Variants in KCND2 observed in about 807,000 individuals in gnomAD.
KCND2 encodes the protein A-type voltage-gated potassium channel KCND2.
In KCND2, 16 loss-of-function variants were observed where a neutral mutation model predicts 54.4. That is an observed-to-expected ratio of 0.29 (90% CI 0.20 to 0.45). The LOEUF is 0.45. Ranked by LOEUF, KCND2 falls within the 20% of genes least tolerant of loss-of-function variation. KCND2 has a pLI of 1.00. For synonymous variants in KCND2, 317 were observed against 310.7 expected (o/e 1.02, Z -0.21); for missense variants, 486 against 824.2 (o/e 0.59, Z 5.02).
chr7:120,478,417 T>A (rs1802559984), intron 1 of KCND2, among the ~76,000 whole-genome samples: 2 of 141,344 alleles, frequency 1.4e-5, no homozygotes, highest in African/African-American at 5.7e-5. Flanking sequence ...GTTCTGATAA[T>A]TTTTAGGCAA....
chr7:120,503,477 C>A (rs1320878018), intron 1 of KCND2, among the ~76,000 whole-genome samples: 1 of 151,784 alleles, frequency 6.6e-6, no homozygotes, highest in Non-Finnish European at 1.5e-5. Context: ...CAGTCACTTT[C>A]TAAGTCTCAA....
rs563219486 is a variant in KCND2, at chr7:120,668,152, T to G, written c.1116-64751T>G. On this transcript the variant is annotated intron_variant, in intron 1 of 5. Coordinates refer to ENST00000331113, the MANE Select transcript of KCND2 (RefSeq NM_012281.3). ...TAAAAACTGGGACAAGGTTGCGCATTTCACCAGTGTGCTTATATTATCAAA... is the reference window on the plus strand; with the variant it reads ...TAAAAACTGGGACAAGGTTGCGCATGTCACCAGTGTGCTTATATTATCAAA... Among the ~76,000 whole-genome samples the G allele has an allele frequency of 2.0e-5, 3 of 152,152 alleles. No homozygotes were observed. The South Asian group carries it at 6.2e-4, about 32-fold the overall frequency.
intron 1 of KCND2, among the ~76,000 whole-genome samples, chr7:120,614,715 A>G (rs1792999660): frequency 6.6e-6 from 1 of 152,254 alleles, no homozygotes; most frequent in Non-Finnish European, 1.5e-5. Context: ...AATGTTTTAT[A>G]TTGATATTTT....
At chr7:120,626,769 T>C (rs1156750691) in intron 1 of KCND2, among the ~76,000 whole-genome samples, 1 of 152,194 alleles carries the variant, frequency 6.6e-6, no homozygotes, top group Non-Finnish European at 1.5e-5. Context: ...TTCCTATTTT[T>C]AAAAATTAGA....
intron 1 of KCND2, among the ~76,000 whole-genome samples, chr7:120,428,117 C>G (rs1437714665): frequency 6.6e-6 from 1 of 152,110 alleles, no homozygotes; most frequent in African/African-American, 2.4e-5. Context: ...AGTACATTTA[C>G]CATATTCCAT....
At chr7:120,738,719 A>G (rs1792904210) in intron 2 of KCND2, among the ~76,000 whole-genome samples, 1 of 152,046 alleles carries the variant, frequency 6.6e-6, no homozygotes, top group South Asian at 2.1e-4. Flanking sequence ...ATTTCTTTTT[A>G]CCAGCAGATG....
At chr7:120,324,780 A>G (rs1235893910) in intron 1 of KCND2, among the ~76,000 whole-genome samples, 1 of 151,926 alleles carries the variant, frequency 6.6e-6, no homozygotes, top group Non-Finnish European at 1.5e-5. Context: ...CTTGGCAATG[A>G]GGGCTCTTTT....
intron 1 of KCND2, among the ~76,000 whole-genome samples, chr7:120,527,088 C>A (rs1487050047): frequency 6.6e-6 from 1 of 151,942 alleles, no homozygotes; most frequent in African/African-American, 2.4e-5. Flanking sequence ...AATGTACTGG[C>A]GGAGGAGTCA....
chr7:120,561,160 T>C (rs1325422775), intron 1 of KCND2, among the ~76,000 whole-genome samples: 1 of 152,234 alleles, frequency 6.6e-6, no homozygotes, highest in East Asian at 1.9e-4. Context: ...TTTTATGACA[T>C]TAATCCATTA....
chr7:120,377,617 A>G (rs1376811391), intron 1 of KCND2, among the ~76,000 whole-genome samples: 1 of 151,960 alleles, frequency 6.6e-6, no homozygotes, highest in East Asian at 1.9e-4. Context: ...TCAGACAGAC[A>G]AAAATTCATA....
intron 1 of KCND2, among the ~76,000 whole-genome samples, chr7:120,503,499 C>A (rs1434297859): frequency 6.6e-6 from 1 of 151,860 alleles, no homozygotes; most frequent in Non-Finnish European, 1.5e-5. Flanking sequence ...TTCTTTTAAA[C>A]ATAAGTGTTC....
At chr7:120,392,683 CT>C (rs1801095472) in intron 1 of KCND2, among the ~76,000 whole-genome samples, 1 of 151,862 alleles carries the variant, frequency 6.6e-6, no homozygotes, top group Admixed American at 6.6e-5. Context: ...TGTTTCCTTA[CT>C]GGAGTGATTC....
intron 2 of KCND2, among the ~76,000 whole-genome samples, chr7:120,739,967 GTAAA>G (rs1187904770): frequency 6.6e-6 from 1 of 151,930 alleles, no homozygotes; most frequent in African/African-American, 2.4e-5. Context: ...AGTTGGCCTG[GTAAA>G]TAAATAATTA....
chr7:120,305,252 G>C (rs985321185), intron 1 of KCND2, among the ~76,000 whole-genome samples: 2 of 152,076 alleles, frequency 1.3e-5, no homozygotes, highest in Non-Finnish European at 2.9e-5. Context: ...GGTTCAAACT[G>C]TTCTGTTGAA....
chr7:120,432,172 C>T (rs1197750009), intron 1 of KCND2, among the ~76,000 whole-genome samples: 1 of 152,156 alleles, frequency 6.6e-6, no homozygotes, highest in African/African-American at 2.4e-5. Context: ...CCGTTTATTT[C>T]AAACAGTACT....
At chr7:120,474,078 A>G (rs1802499572) in intron 1 of KCND2, among the ~76,000 whole-genome samples, 1 of 151,870 alleles carries the variant, frequency 6.6e-6, no homozygotes, top group Admixed American at 6.6e-5. Context: ...TCCCTGTGGC[A>G]CTCTGTGGTC....
At position 120,274,793 on chromosome 7, in the gene KCND2, C is replaced by T. The variant is rs1799147623; in HGVS notation, c.161C>T (p.Thr54Met). ...VLNVSGTRFQTWQDTLERYPD... is the reference protein window; with the variant it reads ...VLNVSGTRFQMWQDTLERYPD... Reference sequence around the variant, plus strand: ...AATGTGAGTGGCACCCGCTTCCAGACGTGGCAGGACACCCTGGAACGTTAC... The same window carrying T: ...AATGTGAGTGGCACCCGCTTCCAGATGTGGCAGGACACCCTGGAACGTTAC... The change falls in exon 1 of 6, where the codon ACG (threonine) becomes ATG (methionine). Residue 54 changes from threonine to methionine, a missense_variant. This residue lies in a region of KCND2 where 231 missense variants were observed against 386.0 expected (regional missense o/e 0.60). Coordinates refer to ENST00000331113, the MANE Select transcript of KCND2 (RefSeq NM_012281.3). 3 of 1,614,156 alleles carry T rather than the reference C, an allele frequency of 1.9e-6. No individual in the cohort carries two copies. The highest frequency in any genetic ancestry group is 1.7e-6 in the Non-Finnish European group (2 of 1,180,034).
chr7:120,688,625 G>A (rs995667386), intron 1 of KCND2, among the ~76,000 whole-genome samples: 7 of 152,174 alleles, frequency 4.6e-5, no homozygotes, highest in Admixed American at 6.6e-5. Context: ...ATTTGTTAGT[G>A]TTGATCACTT....
chr7:120,669,568 G>A (rs1274233189), intron 1 of KCND2, among the ~76,000 whole-genome samples: 1 of 152,064 alleles, frequency 6.6e-6, no homozygotes, highest in East Asian at 1.9e-4. Context: ...ATAACCCACT[G>A]GAAGGCTGTC....
Sources: allele counts gnomAD v4.1 joint callset (sites outside exome capture counted in the v4.1 genomes callset), GRCh38; gene constraint gnomAD v4.1.1; regional missense constraint gnomAD v4.1.1; transcripts MANE v1.5; gene names NCBI Gene and HGNC (gene_info 2026-07-23, HGNC 2026-07-21).